GALNT2: variants seen among roughly 807,000 people sequenced by gnomAD.
GALNT2 encodes UDP-GalNAc:polypeptide N-acetylgalactosaminyltransferase 2.
GALNT2 carries 31 observed loss-of-function variants against 81.4 expected under a neutral mutation model. The observed-to-expected ratio is 0.38, with a 90% CI of 0.29 to 0.51. GALNT2 has a LOEUF of 0.51. Among genes scored for constraint, GALNT2 ranks in the 20% least tolerant of loss-of-function variants. GALNT2 has a pLI of 0.87. For missense variants in GALNT2, 629 were observed against 765.7 expected, an observed-to-expected ratio of 0.82 and a Z score of 2.11; for synonymous variants, 303 against 287.4, an observed-to-expected ratio of 1.05 and a Z score of -0.55.
intron 3 of GALNT2, among the ~76,000 whole-genome samples, chr1:230,213,869 T>C (rs1422654218): frequency 2.6e-5 from 4 of 152,266 alleles, no homozygotes; most frequent in African/African-American, 9.6e-5. Context: ...CAGCCCTTTG[T>C]GCTCTTGTTG....
intron 1 of GALNT2, among the ~76,000 whole-genome samples, chr1:230,112,836 T>G (rs1001216609): frequency 6.6e-6 from 1 of 152,140 alleles, no homozygotes; most frequent in Non-Finnish European, 1.5e-5. Context: ...GGTCCACTCT[T>G]GGGCTGTGAG....
intron 1 of GALNT2, among the ~76,000 whole-genome samples, chr1:230,059,966 C>T (rs3009715): frequency 0.19 from 28,640 of 152,076 alleles, 3,573 homozygotes; most frequent in East Asian, 0.34. Context: ...TACTATTTAC[C>T]ATAGTGTACC....
chr1:230,079,707 C>T (rs1219152793), intron 1 of GALNT2, among the ~76,000 whole-genome samples: 2 of 152,128 alleles, frequency 1.3e-5, no homozygotes, highest in African/African-American at 4.8e-5. Flanking sequence ...AGCAGAGAGC[C>T]GGGAGGAGAA....
intron 1 of GALNT2, among the ~76,000 whole-genome samples, chr1:230,175,653 C>G (rs546164153): frequency 1.4e-5 from 2 of 143,874 alleles, no homozygotes; most frequent in East Asian, 2.1e-4. Flanking sequence ...TCTCCCCCTC[C>G]TCCTCCTCAC....
chr1:230,060,939 G>A (rs1003817474), intron 1 of GALNT2, among the ~76,000 whole-genome samples: 13 of 151,512 alleles, frequency 8.6e-5, no homozygotes, highest in African/African-American at 1.9e-4. Context: ...TCTCTCTCTC[G>A]CTCTTTCTGC....
At chr1:230,205,287 G>A (rs1411245664) in intron 3 of GALNT2, among the ~76,000 whole-genome samples, 2 of 152,140 alleles carry the variant, frequency 1.3e-5, no homozygotes, top group Non-Finnish European at 2.9e-5. Context: ...TTGGGTTCTA[G>A]TCAGCTCTGT....
In GALNT2 at chr1:230,279,241, C is replaced by G. The variant is rs971949645; in HGVS notation, c.1561-62C>G. Reference sequence around the variant, plus strand: ...GCAGCCACAAGGTCCTGAATTCACACGAATCTGTTTGTACTCCTTTGCTTG... The same window carrying G: ...GCAGCCACAAGGTCCTGAATTCACAGGAATCTGTTTGTACTCCTTTGCTTG... On this transcript the variant is annotated intron_variant, in intron 15 of 15. Coordinates refer to ENST00000366672, the MANE Select transcript of GALNT2 (RefSeq NM_004481.5). This position sits in a 1 kb window ranked among gnomAD's most constrained non-coding sequence, Gnocchi z 4.6. The G allele has an allele frequency of 3.9e-6, 6 of 1,531,980 alleles. No homozygotes were observed. Among genetic ancestry groups the G allele is most frequent in the Admixed American group, 3.7e-5 (2 of 53,966 alleles). 94.9% of individuals were successfully genotyped at this position (1,531,980 alleles called of 1,614,324 possible). A position where few individuals can be genotyped will look rare whatever the true frequency, so the allele number is the denominator to read the frequency against.
At chr1:230,178,702 C>T (rs1371629310) in intron 2 of GALNT2, among the ~76,000 whole-genome samples, 4 of 152,000 alleles carry the variant, frequency 2.6e-5, no homozygotes, top group African/African-American at 9.7e-5. Flanking sequence ...CATACAACCT[C>T]CTCCATTGTC....
At position 230,238,579 on chromosome 1, in the gene GALNT2, A is replaced by G. The variant is rs565872179; in HGVS notation, c.607+1854A>G. ...TAATGACAATAGTAGGACCAAAACC[A>G]TGTTAATAATGAGATAAATCTTTTT... On this transcript the variant is annotated intron_variant, in intron 6 of 15. Transcript: ENST00000366672. 3.5e-4 allele frequency among the ~76,000 whole-genome samples: 54 copies of G among 152,338 alleles called. 2 individuals are homozygous for G. In the South Asian group the frequency reaches 8.9e-3, roughly 25 times the overall value.
intron 1 of GALNT2, among the ~76,000 whole-genome samples, chr1:230,172,279 C>A (rs188020848): frequency 6.6e-6 from 1 of 152,126 alleles, no homozygotes; most frequent in African/African-American, 2.4e-5. Flanking sequence ...CTTAAGCAGC[C>A]CTACTGGATG....
At chr1:230,094,026 G>C (rs1660170497) in intron 1 of GALNT2, among the ~76,000 whole-genome samples, 1 of 152,088 alleles carries the variant, frequency 6.6e-6, no homozygotes, top group African/African-American at 2.4e-5. Flanking sequence ...GTTTGAGATA[G>C]GGTCTCGCTC....
intron 1 of GALNT2, among the ~76,000 whole-genome samples, chr1:230,148,004 A>G (rs1416914903): frequency 6.6e-6 from 1 of 152,082 alleles, no homozygotes; most frequent in Non-Finnish European, 1.5e-5. Context: ...AACTATGATC[A>G]CTCAGCAACC....
Position 230,223,361 on chromosome 1 carries a change from GA to G in GALNT2, c.375-12652del, listed in dbSNP as rs1324980987. ...TCTTACTGATTTTTTTTCTTTTTTG[GA>G]TGCCATTTTGTCTTAGGTTTATCTT... On this transcript the variant is annotated intron_variant, in intron 3 of 15. Transcript: ENST00000366672. 4.0e-5 allele frequency among the ~76,000 whole-genome samples: 6 copies of G among 149,796 alleles called. No individual in the cohort carries two copies. The East Asian group carries it at 5.9e-4, about 15-fold the overall frequency.
At chr1:230,215,805 A>G (rs1023396056) in intron 3 of GALNT2, among the ~76,000 whole-genome samples, 1 of 152,232 alleles carries the variant, frequency 6.6e-6, no homozygotes, top group Admixed American at 6.5e-5. Flanking sequence ...TTAGGCTCAG[A>G]TGTACACATA....
intron 1 of GALNT2, among the ~76,000 whole-genome samples, chr1:230,147,836 G>C (rs1211014232): frequency 6.6e-6 from 1 of 152,216 alleles, no homozygotes; most frequent in African/African-American, 2.4e-5. Context: ...AGCCTGGAAG[G>C]CATTGCAGGC....
intron 1 of GALNT2, among the ~76,000 whole-genome samples, chr1:230,079,604 G>A (rs1299586343): frequency 1.3e-5 from 2 of 152,242 alleles, no homozygotes; most frequent in Admixed American, 1.3e-4. Context: ...TCTTGCTGAC[G>A]CAGAGCTGCA....
At chr1:230,215,826 A>G (rs1664374431) in intron 3 of GALNT2, among the ~76,000 whole-genome samples, 1 of 152,252 alleles carries the variant, frequency 6.6e-6, no homozygotes, top group Admixed American at 6.5e-5. Context: ...AACTACATAC[A>G]TTAATTACAC....
At chr1:230,107,778 CT>C (rs1441218535) in intron 1 of GALNT2, among the ~76,000 whole-genome samples, 1 of 152,090 alleles carries the variant, frequency 6.6e-6, no homozygotes, top group Non-Finnish European at 1.5e-5. Flanking sequence ...AGAAATCTTC[CT>C]AGACGATGTT....
At chr1:230,168,784 T>A (rs1025427959) in intron 1 of GALNT2, among the ~76,000 whole-genome samples, 1 of 152,250 alleles carries the variant, frequency 6.6e-6, no homozygotes. Flanking sequence ...TTCCCTGTTA[T>A]TAAAATCTTA....
Sources: gnomAD v4.1 joint callset for allele counts (sites outside exome capture counted in the v4.1 genomes callset) on GRCh38, gnomAD v4.1.1 for gene constraint, Gnocchi (gnomAD v3.1) non-coding constraint, MANE v1.5 for transcripts, NCBI Gene and HGNC (gene_info 2026-07-23, HGNC 2026-07-21) for gene names.